CAMSAP2: variants seen among roughly 807,000 people sequenced by gnomAD.
The protein encoded by CAMSAP2 is calmodulin-regulated spectrin-associated protein 2.
CAMSAP2 carries 26 observed loss-of-function variants against 146.1 expected under a neutral mutation model. That is an observed-to-expected ratio of 0.18 (90% CI 0.13 to 0.25). The LOEUF (loss-of-function observed/expected upper bound fraction) is 0.25. Ranked by LOEUF, CAMSAP2 falls within the 10% of genes least tolerant of loss-of-function variation. The pLI, the probability that CAMSAP2 is intolerant of heterozygous loss-of-function variation, is 1.00. For missense variants in CAMSAP2, 1,381 were observed against 1,759.3 expected, an observed-to-expected ratio of 0.78 and a Z score of 3.85; for synonymous variants, 499 against 596.6, an observed-to-expected ratio of 0.84 and a Z score of 2.38.
chr1:200,740,206 A>G (rs913825666), intron 1 of CAMSAP2, among the ~76,000 whole-genome samples: 3 of 152,026 alleles, frequency 2.0e-5, no homozygotes, highest in South Asian at 4.1e-4. Flanking sequence ...GGATGGCAAA[A>G]TGTCCCCCCC....
At chr1:200,821,558 G>A (rs368293561) in intron 4 of CAMSAP2, among the ~76,000 whole-genome samples, 6 of 151,840 alleles carry the variant, frequency 4.0e-5, no homozygotes, top group Admixed American at 1.3e-4. Context: ...ATGGGGTTTC[G>A]CCATGTTGGC....
chr1:200,820,029 A>G (rs1230839591), intron 4 of CAMSAP2, among the ~76,000 whole-genome samples: 2 of 152,104 alleles, frequency 1.3e-5, no homozygotes, highest in Admixed American at 1.3e-4. Context: ...AATACTAACT[A>G]TATAGAGAAT....
intron 2 of CAMSAP2, among the ~76,000 whole-genome samples, chr1:200,767,503 T>G (rs1159603219): frequency 4.0e-5 from 6 of 150,902 alleles, no homozygotes; most frequent in Admixed American, 4.0e-4. Flanking sequence ...TTTAAACATA[T>G]TGGTCTTATT....
chr1:200,760,126 A>G (rs1184907000), intron 1 of CAMSAP2, among the ~76,000 whole-genome samples: 1 of 152,178 alleles, frequency 6.6e-6, no homozygotes, highest in Non-Finnish European at 1.5e-5. Context: ...CCATTTCTAA[A>G]CTACTACTTA....
intron 2 of CAMSAP2, among the ~76,000 whole-genome samples, chr1:200,781,799 C>T (rs1453636027): frequency 6.6e-6 from 1 of 152,082 alleles, no homozygotes; most frequent in African/African-American, 2.4e-5. Flanking sequence ...CTGCCTCGGC[C>T]TCCCAAATTA....
rs1558191389 is a variant in CAMSAP2 at position 200,816,923 on chromosome 1, TACACACACACGCGTGTGTATGTGTGTAC to T, written c.645+1288_645+1315del. Among the ~76,000 whole-genome samples, 3 of 62,354 alleles carry T rather than the reference TACACACACACGCGTGTGTATGTGTGTAC, an allele frequency of 4.8e-5. 1 individual carries two copies. The highest frequency in any genetic ancestry group is 6.4e-5 in the Non-Finnish European group (2 of 31,258). The allele number at this position is 62,354 out of a possible 152,430, so 40.9% of individuals were successfully genotyped here. On this transcript the variant is annotated intron_variant, in intron 4 of 16. Transcript: ENST00000358823. ...ACACACACACGCGTGTGTATGTGTG[TACACACACACGCGTGTGTATGTGTGTAC>T]ACACACACGCGTGTGTATGTGTATA...
rs187009662 is a variant in CAMSAP2 at position 200,761,969 on chromosome 1, T to C, written c.399+871T>C. On this transcript the variant is annotated intron_variant, in intron 2 of 16. Transcript: ENST00000358823. ...ATGCTGGTTCAGTCCATTGTACTGC[T>C]TTAGCTTGAGTTTCACAAAATGTGG... Among the ~76,000 whole-genome samples, 45 of 152,326 alleles carry C rather than the reference T, an allele frequency of 3.0e-4. No homozygotes were observed. In the East Asian group the frequency reaches 8.7e-3, roughly 29 times the overall value.
intron 4 of CAMSAP2, chr1:200,828,709 A>G (rs1230245727): frequency 6.1e-5 from 66 of 1,075,202 alleles, no homozygotes; most frequent in Non-Finnish European, 8.6e-5. Flanking sequence ...TCTGTTAGTC[A>G]TTGAATAGAG....
At position 200,848,862 on chromosome 1, in the gene CAMSAP2, A is replaced by G. The variant is rs1393872845; in HGVS notation, c.2093A>G (p.Asn698Ser). ...SFAEQKFRKL[N>S]HTDGKSSGSS... ...GCTGAACAAAAATTCAGGAAACTGA[A>G]TCATACCGATGGAAAAAGTAGTGGA... Residue 698 changes from asparagine (N) to serine (S), a missense_variant, in exon 11 of 17, where the codon AAT becomes AGT. By Grantham distance (46) the Asn-to-Ser change is conservative (BLOSUM62 1). This residue lies in a region of CAMSAP2 where 447 missense variants were observed against 462.2 expected (regional missense o/e 0.97). Coordinates refer to ENST00000358823, the MANE Select transcript of CAMSAP2 (RefSeq NM_203459.4). The G allele has an allele frequency of 6.2e-7, 1 of 1,614,076 alleles. No individual in the cohort carries two copies. Among genetic ancestry groups the G allele is most frequent in the African/African-American group, 1.3e-5 (1 of 74,934 alleles).
intron 2 of CAMSAP2, among the ~76,000 whole-genome samples, chr1:200,780,677 G>A (rs1169784606): frequency 6.6e-6 from 1 of 152,114 alleles, no homozygotes; most frequent in Non-Finnish European, 1.5e-5. Flanking sequence ...TCTGGAAATG[G>A]GTGACTTCTA....
intron 1 of CAMSAP2, among the ~76,000 whole-genome samples, chr1:200,752,149 G>T (rs907318671): frequency 6.6e-6 from 1 of 151,638 alleles, no homozygotes; most frequent in Non-Finnish European, 1.5e-5. Context: ...GACCGTTGGG[G>T]GAAAAAAAGC....
intron 9 of CAMSAP2, 36 bp from the exon 10 acceptor site, chr1:200,847,604 A>G (rs377478601): frequency 1.3e-6 from 2 of 1,543,016 alleles, no homozygotes; most frequent in Non-Finnish European, 8.9e-7. Flanking sequence ...ATTTTTTTAC[A>G]TGATTTCAAT....
chr1:200,815,578 A>G lies in CAMSAP2; in HGVS notation c.579A>G (p.Lys193=). The G allele has an allele frequency of 6.4e-7, 1 of 1,552,888 alleles. No individual in the cohort carries two copies. The highest frequency in any genetic ancestry group is 1.2e-5 in the South Asian group (1 of 80,134). Residue 193 remains lysine (K), a synonymous_variant, in exon 4 of 17, where the codon AAA becomes AAG. Transcript: ENST00000358823. ...YWINKVNEHL[K]DIMEQEQKLK... ...ATTTTAAGGTAAATGAACATTTGAA[A>G]GACATAATGGAACAAGAACAAAAAC...
chr1:200,756,509 C>T lies in CAMSAP2; in HGVS notation c.140-4330C>T, dbSNP rs531463080. Among the ~76,000 whole-genome samples the T allele has an allele frequency of 3.3e-4, 50 of 151,978 alleles. 1 individual carries two copies. Among genetic ancestry groups the T allele is most frequent in the African/African-American group, 3.4e-4 (14 of 41,480 alleles). The stretch of plus-strand genomic sequence containing the variant: ...GTAAGTGGTGAAATTAGGACTCAAC[C>T]GATTCTTTTAAAATCTAAAGCCTAT... On this transcript the variant is annotated intron_variant, in intron 1 of 16. Coordinates refer to ENST00000358823, the MANE Select transcript of CAMSAP2 (RefSeq NM_203459.4).
chr1:200,760,797 A>G, intron 1 of CAMSAP2, 42 bp from the exon 2 acceptor site: 2 of 1,393,062 alleles, frequency 1.4e-6, no homozygotes, highest in African/African-American at 1.4e-5. Context: ...TGTTTCTTTT[A>G]TAAAAATCTT....
At chr1:200,757,211 C>G (rs1193289777) in intron 1 of CAMSAP2, among the ~76,000 whole-genome samples, 1 of 152,206 alleles carries the variant, frequency 6.6e-6, no homozygotes, top group Non-Finnish European at 1.5e-5. Flanking sequence ...TCCCCTCCTG[C>G]TTCCTGCCCC....
chr1:200,799,277 G>A (rs1368315496), intron 2 of CAMSAP2, among the ~76,000 whole-genome samples: 2 of 151,988 alleles, frequency 1.3e-5, no homozygotes, highest in East Asian at 3.9e-4. Flanking sequence ...GGTAGAATTT[G>A]GCTGTGAATC....
At chr1:200,765,356 A>T (rs1382683436) in intron 2 of CAMSAP2, among the ~76,000 whole-genome samples, 1 of 151,864 alleles carries the variant, frequency 6.6e-6, no homozygotes, top group Non-Finnish European at 1.5e-5. Flanking sequence ...CAGCCTCCCG[A>T]GTAGCTGGGT....
intron 2 of CAMSAP2, among the ~76,000 whole-genome samples, chr1:200,768,649 CTTTT>C (rs985486925): frequency 6.6e-6 from 1 of 150,940 alleles, no homozygotes; most frequent in East Asian, 1.9e-4. Context: ...GTGGGAGAGA[CTTTT>C]TTTTTGTTGT....
Sources: gnomAD v4.1 joint callset for allele counts (sites outside exome capture counted in the v4.1 genomes callset) on GRCh38, gnomAD v4.1.1 for gene constraint, gnomAD v4.1.1 regional missense constraint, MANE v1.5 for transcripts, NCBI Gene and HGNC (gene_info 2026-07-23, HGNC 2026-07-21) for gene names.